Variants in CWC27 observed in about 807,000 individuals in gnomAD.
The protein encoded by CWC27 is CWC27 spliceosome associated cyclophilin, also known as spliceosome-associated protein CWC27 homolog.
A neutral mutation model predicts 63.6 loss-of-function variants in CWC27; 47 were observed. The ratio of observed to expected loss-of-function variants is 0.74; its 90% CI spans 0.58 to 0.94. The LOEUF is 0.94. Among genes scored for constraint, CWC27 ranks in the 40% least tolerant of loss-of-function variants. The pLI, the probability that CWC27 is intolerant of heterozygous loss-of-function variation, is 0.00. For synonymous variants in CWC27, 175 were observed against 179.8 expected, an observed-to-expected ratio of 0.97 and a Z score of 0.22; for missense variants, 495 against 554.3, an observed-to-expected ratio of 0.89 and a Z score of 1.07.
At chr5:64,900,874 T>C (rs982958940) in intron 11 of CWC27, among the ~76,000 whole-genome samples, 3 of 152,200 alleles carry the variant, frequency 2.0e-5, no homozygotes, top group African/African-American at 7.2e-5. Flanking sequence ...ACACCTAGGC[T>C]ATATGGTGTG....
chr5:64,934,027 T>A (rs1748294233), intron 11 of CWC27, among the ~76,000 whole-genome samples: 1 of 152,204 alleles, frequency 6.6e-6, no homozygotes, highest in Non-Finnish European at 1.5e-5. Flanking sequence ...AAAGTATAGT[T>A]ATAGAGAGAT....
intron 10 of CWC27, among the ~76,000 whole-genome samples, chr5:64,826,207 G>A (rs1421944718): frequency 6.6e-6 from 1 of 151,824 alleles, no homozygotes; most frequent in Non-Finnish European, 1.5e-5. Context: ...TTTTCATTCA[G>A]CTCAAAATGT....
At position 64,811,103 on chromosome 5, in the gene CWC27, T is replaced by G. The variant is rs182375107; in HGVS notation, c.938+6717T>G. On this transcript the variant is annotated intron_variant, in intron 10 of 13. Transcript: ENST00000381070. Reference sequence around the variant, plus strand: ...ATTTTGGTATTCAGCCATAAGAAATTTTTAAAAACACTCCATGTAAGTCTA... The same window carrying G: ...ATTTTGGTATTCAGCCATAAGAAATGTTTAAAAACACTCCATGTAAGTCTA... Among the ~76,000 whole-genome samples, 418 of 152,164 alleles carry G rather than the reference T, an allele frequency of 2.7e-3. 9 individuals carry two copies. Among genetic ancestry groups the G allele is most frequent in the Admixed American group, 2.2e-3 (33 of 15,268 alleles).
intron 11 of CWC27, among the ~76,000 whole-genome samples, chr5:64,924,728 A>G (rs1341538230): frequency 6.6e-6 from 1 of 152,216 alleles, no homozygotes; most frequent in Non-Finnish European, 1.5e-5. Flanking sequence ...CACATGGCTC[A>G]TGTGCCACCC....
At chr5:64,787,377 CAATT>C (rs1580597330) in intron 6 of CWC27, among the ~76,000 whole-genome samples, 1 of 152,152 alleles carries the variant, frequency 6.6e-6, no homozygotes, top group East Asian at 1.9e-4. Context: ...ATCCCTGTAA[CAATT>C]ATTTATATAA....
At chr5:64,996,114 A>G (rs1324108074) in intron 13 of CWC27, among the ~76,000 whole-genome samples, 1 of 152,144 alleles carries the variant, frequency 6.6e-6, no homozygotes, top group Non-Finnish European at 1.5e-5. Flanking sequence ...TTTATGAGAC[A>G]TTTGATTAGA....
At chr5:64,891,450 A>T (rs1464482791) in intron 11 of CWC27, among the ~76,000 whole-genome samples, 2 of 152,236 alleles carry the variant, frequency 1.3e-5, no homozygotes, top group Admixed American at 1.3e-4. Context: ...TTTCTTAAAT[A>T]GTAAAGATTT....
At chr5:64,820,480 G>C (rs1745166503) in intron 10 of CWC27, among the ~76,000 whole-genome samples, 1 of 151,950 alleles carries the variant, frequency 6.6e-6, no homozygotes. Context: ...CCTTGAACTA[G>C]AAGAGCCACT....
chr5:64,879,433 A>C (rs893984899), intron 10 of CWC27, among the ~76,000 whole-genome samples: 4 of 151,946 alleles, frequency 2.6e-5, no homozygotes, highest in Non-Finnish European at 5.9e-5. Flanking sequence ...ATTTATAGAG[A>C]GGAAAAGAAG....
chr5:64,774,355 G>A (rs981579419), intron 1 of CWC27, among the ~76,000 whole-genome samples: 21 of 152,106 alleles, frequency 1.4e-4, no homozygotes, highest in Admixed American at 7.9e-4. Context: ...CTGTGTTGCC[G>A]AAGCTGTTCT....
intron 11 of CWC27, among the ~76,000 whole-genome samples, chr5:64,933,770 C>T (rs761896970): frequency 2.6e-5 from 4 of 152,128 alleles, no homozygotes; most frequent in Non-Finnish European, 4.4e-5. Context: ...GGATTACAGG[C>T]GTGAGCCACC....
chr5:64,849,076 A>G (rs1746064258), intron 10 of CWC27, among the ~76,000 whole-genome samples: 1 of 152,212 alleles, frequency 6.6e-6, no homozygotes, highest in Admixed American at 6.5e-5. Context: ...ACAATGTTAT[A>G]TGTAGAAAAC....
At chr5:65,011,470 A>G (rs1282883943) in intron 13 of CWC27, among the ~76,000 whole-genome samples, 1 of 152,216 alleles carries the variant, frequency 6.6e-6, no homozygotes, top group Non-Finnish European at 1.5e-5. Context: ...TAGTGTATAT[A>G]GAGGCAGCGA....
intron 10 of CWC27, among the ~76,000 whole-genome samples, chr5:64,838,802 A>G (rs953157265): frequency 6.6e-6 from 1 of 152,234 alleles, no homozygotes; most frequent in African/African-American, 2.4e-5. Context: ...ACAGAGAAGT[A>G]TGGCAAACAA....
At chr5:64,832,538 C>A (rs1470419818) in intron 10 of CWC27, among the ~76,000 whole-genome samples, 1 of 151,708 alleles carries the variant, frequency 6.6e-6, no homozygotes, top group Non-Finnish European at 1.5e-5. Flanking sequence ...CATATATTCG[C>A]ACAAGTGTTT....
chr5:64,908,282 G>C, intron 11 of CWC27, among the ~76,000 whole-genome samples: 1 of 152,150 alleles, frequency 6.6e-6, no homozygotes, highest in East Asian at 1.9e-4. Flanking sequence ...TTTTACATTT[G>C]CTGAGGAGTG....
At chr5:64,839,190 G>A (rs1417963672) in intron 10 of CWC27, among the ~76,000 whole-genome samples, 1 of 152,122 alleles carries the variant, frequency 6.6e-6, no homozygotes, top group African/African-American at 2.4e-5. Context: ...TGTGTGAGGT[G>A]CACAGAATTT....
At chr5:64,878,800 C>T (rs1255743194) in intron 10 of CWC27, among the ~76,000 whole-genome samples, 7 of 151,824 alleles carry the variant, frequency 4.6e-5, no homozygotes, top group Non-Finnish European at 1.0e-4. Flanking sequence ...TATGTTTTGA[C>T]TGAAATTTAG....
chr5:64,836,435 A>G (rs767146168), intron 10 of CWC27, among the ~76,000 whole-genome samples: 5 of 152,118 alleles, frequency 3.3e-5, no homozygotes, highest in Non-Finnish European at 5.9e-5. Context: ...TCAATTGTTA[A>G]TCAGAAATAT....
Sources: gnomAD v4.1 joint callset for allele counts (sites outside exome capture counted in the v4.1 genomes callset) on GRCh38, gnomAD v4.1.1 for gene constraint, MANE v1.5 for transcripts, NCBI Gene and HGNC (gene_info 2026-07-23, HGNC 2026-07-21) for gene names.